The following MCCC2 variants were observed in gnomAD, a reference collection of about 807,000 sequenced individuals.
MCCC2 encodes methylcrotonyl-CoA carboxylase subunit 2.
A neutral mutation model predicts 77.2 loss-of-function variants in MCCC2; 52 were observed. That is an observed-to-expected ratio of 0.67 (90% CI 0.54 to 0.85). The LOEUF (loss-of-function observed/expected upper bound fraction) is 0.85. Ranked by LOEUF, MCCC2 falls within the 40% of genes least tolerant of loss-of-function variation. The probability of loss-of-function intolerance (pLI) is 0.00; values close to 1 mark genes in which losing one functional copy is unlikely to be tolerated. For synonymous variants in MCCC2, 253 were observed against 248.4 expected, an observed-to-expected ratio of 1.02 and a Z score of -0.18; for missense variants, 682 against 703.2, an observed-to-expected ratio of 0.97 and a Z score of 0.34.
At chr5:71,598,325 T>G (rs952572486) in intron 3 of MCCC2, among the ~76,000 whole-genome samples, 4 of 152,012 alleles carry the variant, frequency 2.6e-5, no homozygotes, top group African/African-American at 9.7e-5. Context: ...CACCTTGGCC[T>G]CCCAAAGTGC....
intron 1 of MCCC2, among the ~76,000 whole-genome samples, chr5:71,591,182 T>C (rs567297496): frequency 2.0e-5 from 3 of 152,304 alleles, no homozygotes; most frequent in African/African-American, 4.8e-5. Context: ...TAGTGTTCTG[T>C]CAAACAGAAG....
intron 1 of MCCC2, 73 bp from the exon 2 acceptor site, chr5:71,592,853 T>G: frequency 1.7e-6 from 2 of 1,184,324 alleles, no homozygotes; most frequent in Admixed American, 1.9e-5. Flanking sequence ...TTTTTTTTTT[T>G]TGACCTTTAT....
intron 13 of MCCC2, among the ~76,000 whole-genome samples, chr5:71,647,546 T>G (rs971194509): frequency 4.6e-5 from 7 of 152,260 alleles, no homozygotes; most frequent in Non-Finnish European, 7.4e-5. Flanking sequence ...TTGTTTTGTT[T>G]TGTTTTGGCC....
intron 16 of MCCC2, among the ~76,000 whole-genome samples, chr5:71,654,273 C>A (rs183889761): frequency 6.6e-6 from 1 of 152,086 alleles, no homozygotes; most frequent in African/African-American, 2.4e-5. Context: ...GGATTACAGG[C>A]GTGAGCCACC....
At chr5:71,638,171 A>G (rs566921171) in intron 10 of MCCC2, among the ~76,000 whole-genome samples, 3 of 152,172 alleles carry the variant, frequency 2.0e-5, no homozygotes, top group Admixed American at 1.3e-4. Flanking sequence ...TTTTTTGCTC[A>G]TTCATAAGAA....
intron 6 of MCCC2, among the ~76,000 whole-genome samples, chr5:71,625,190 C>T (rs1385380077): frequency 6.6e-6 from 1 of 152,176 alleles, no homozygotes; most frequent in Non-Finnish European, 1.5e-5. Flanking sequence ...TTAGATTTGA[C>T]ATCACTGTGA....
intron 8 of MCCC2, 83 bp downstream of exon 8, chr5:71,632,268 C>T: frequency 3.0e-6 from 4 of 1,335,406 alleles, no homozygotes; most frequent in Non-Finnish European, 4.3e-6. Context: ...TATTTGTTTC[C>T]AGTGCTAAAC....
chr5:71,592,860 T>G, intron 1 of MCCC2, 66 bp from the exon 2 acceptor site: 1 of 1,247,378 alleles, frequency 8.0e-7, no homozygotes, highest in Non-Finnish European at 1.2e-6. Context: ...TTTTTGACCT[T>G]TATTTTGGTA....
intron 15 of MCCC2, 72 bp downstream of exon 15, chr5:71,650,255 C>A: frequency 7.5e-7 from 1 of 1,331,590 alleles, no homozygotes; most frequent in Non-Finnish European, 1.1e-6. Flanking sequence ...CAAGGAGCAG[C>A]GTGCCTGGAA....
chr5:71,597,063 G>A (rs1745218980), intron 3 of MCCC2, among the ~76,000 whole-genome samples: 1 of 152,154 alleles, frequency 6.6e-6, no homozygotes, highest in Non-Finnish European at 1.5e-5. Flanking sequence ...TTAAGAGGTG[G>A]TGCCAAGGTA....
chr5:71,622,001 G>A (rs769189051), intron 6 of MCCC2, among the ~76,000 whole-genome samples: 24 of 151,992 alleles, frequency 1.6e-4, no homozygotes, highest in Non-Finnish European at 2.9e-4. Flanking sequence ...AACATCTCTC[G>A]CTGGGTGTGG....
intron 7 of MCCC2, among the ~76,000 whole-genome samples, chr5:71,628,089 C>G (rs1362931991): frequency 1.3e-5 from 2 of 152,188 alleles, no homozygotes; most frequent in Non-Finnish European, 2.9e-5. Flanking sequence ...GGTGGTATGC[C>G]TGCCTCAGCC....
chr5:71,655,953 G>A (rs1027621083), intron 16 of MCCC2, among the ~76,000 whole-genome samples: 1 of 152,134 alleles, frequency 6.6e-6, no homozygotes, highest in East Asian at 1.9e-4. Context: ...GGTGGCTCAC[G>A]CCTGTAATCG....
intron 1 of MCCC2, 43 bp from the exon 2 acceptor site, chr5:71,592,883 T>C: frequency 7.3e-7 from 1 of 1,366,510 alleles, no homozygotes. Context: ...AAGGAATTGC[T>C]TTCTAATATT....
intron 3 of MCCC2, among the ~76,000 whole-genome samples, chr5:71,597,942 CCTTA>C (rs1168273171): frequency 4.6e-5 from 7 of 152,194 alleles, no homozygotes; most frequent in African/African-American, 7.2e-5. Flanking sequence ...CGGCTCTGCC[CCTTA>C]CTTACTGTGT....
At chr5:71,604,251 T>C in intron 5 of MCCC2, 105 bp from the exon 6 acceptor site, 1 of 998,510 alleles carries the variant, frequency 1.0e-6, no homozygotes, top group Non-Finnish European at 1.6e-6. Flanking sequence ...GGGCAAGTTT[T>C]TTGTGAATGT....
chr5:71,645,286 G>A (rs1747246026), intron 12 of MCCC2, among the ~76,000 whole-genome samples: 1 of 152,120 alleles, frequency 6.6e-6, no homozygotes, highest in South Asian at 2.1e-4. Flanking sequence ...TTGAAGTCGA[G>A]CAATTACTTT....
intron 7 of MCCC2, among the ~76,000 whole-genome samples, chr5:71,631,413 G>A (rs183738739): frequency 1.3e-5 from 2 of 152,218 alleles, no homozygotes; most frequent in African/African-American, 2.4e-5. Context: ...GTGGGAATTC[G>A]TCAGGTAGGT....
rs553850666 is a variant in MCCC2, at chr5:71,605,930, C to T, written c.624+1462C>T. ...GAGGGCTCTGTTCTGTTCCATTGAT[C>T]TATATCTCTGTTTTGGTACCAATAC... On this transcript the variant is annotated intron_variant, in intron 6 of 16. Coordinates refer to ENST00000340941, the MANE Select transcript of MCCC2 (RefSeq NM_022132.5). Among the ~76,000 whole-genome samples the T allele has an allele frequency of 5.2e-3, 787 of 152,262 alleles. 11 individuals are homozygous for T. Among genetic ancestry groups the T allele is most frequent in the African/African-American group, 0.018 (752 of 41,546 alleles).
Sources: allele counts gnomAD v4.1 joint callset (sites outside exome capture counted in the v4.1 genomes callset), GRCh38; gene constraint gnomAD v4.1.1; transcripts MANE v1.5; gene names NCBI Gene and HGNC (gene_info 2026-07-23, HGNC 2026-07-21).